The following PDE4B variants were observed in gnomAD, a reference collection of about 807,000 sequenced individuals.
The protein encoded by PDE4B is phosphodiesterase 4B.
In PDE4B, 20 loss-of-function variants were observed where a neutral mutation model predicts 82.2. The observed-to-expected ratio is 0.24, with a 90% CI of 0.17 to 0.35. PDE4B has a LOEUF of 0.35. Ranked by LOEUF, PDE4B falls within the 10% of genes least tolerant of loss-of-function variation. The pLI, the probability that PDE4B is intolerant of heterozygous loss-of-function variation, is 1.00. For synonymous variants in PDE4B, 320 were observed against 318.9 expected, an observed-to-expected ratio of 1.00 and a Z score of -0.04; for missense variants, 655 against 907.2, an observed-to-expected ratio of 0.72 and a Z score of 3.57.
At chr1:66,255,504 A>T (rs1317434283) in intron 4 of PDE4B, among the ~76,000 whole-genome samples, 1 of 152,212 alleles carries the variant, frequency 6.6e-6, no homozygotes, top group Admixed American at 6.5e-5. Flanking sequence ...TATAGCTAAT[A>T]TGCTCTGCTC....
At chr1:66,185,661 T>A (rs1169228720) in intron 3 of PDE4B, among the ~76,000 whole-genome samples, 1 of 152,268 alleles carries the variant, frequency 6.6e-6, no homozygotes, top group Non-Finnish European at 1.5e-5. Context: ...GTCTGTTATC[T>A]TCTTCGCCCA....
At chr1:66,240,340 C>T (rs1652794646) in intron 3 of PDE4B, among the ~76,000 whole-genome samples, 1 of 152,176 alleles carries the variant, frequency 6.6e-6, no homozygotes, top group African/African-American at 2.4e-5. Flanking sequence ...AAGATTCAAA[C>T]CTAAGTATCA....
intron 3 of PDE4B, among the ~76,000 whole-genome samples, chr1:66,221,349 T>G (rs1335132986): frequency 6.6e-6 from 1 of 152,136 alleles, no homozygotes; most frequent in African/African-American, 2.4e-5. Context: ...CCCTGATTAT[T>G]TATTATGTCA....
chr1:66,184,840 T>C (rs1647147993), intron 3 of PDE4B, among the ~76,000 whole-genome samples: 2 of 144,982 alleles, frequency 1.4e-5, no homozygotes, highest in African/African-American at 5.1e-5. Context: ...GTGCCCCAGT[T>C]TACTTTTTTT....
At chr1:65,864,939 C>T (rs1407088024) in intron 1 of PDE4B, among the ~76,000 whole-genome samples, 1 of 152,194 alleles carries the variant, frequency 6.6e-6, no homozygotes, top group African/African-American at 2.4e-5. Context: ...CTCCTCAGAG[C>T]CCACAGGCAG....
intron 1 of PDE4B, among the ~76,000 whole-genome samples, chr1:65,828,871 G>A (rs1646049257): frequency 6.6e-6 from 1 of 152,048 alleles, no homozygotes; most frequent in Non-Finnish European, 1.5e-5. Flanking sequence ...GCTCAGAGAT[G>A]GCAGAAAAGG....
chr1:66,148,762 G>A (rs1331671793), intron 3 of PDE4B, among the ~76,000 whole-genome samples: 1 of 152,096 alleles, frequency 6.6e-6, no homozygotes, highest in Middle Eastern at 3.2e-3. Context: ...CTTACAGTAT[G>A]TGATCTTTTG....
intron 7 of PDE4B, among the ~76,000 whole-genome samples, chr1:66,314,687 G>T (rs1458280591): frequency 6.6e-6 from 1 of 152,114 alleles, no homozygotes; most frequent in African/African-American, 2.4e-5. Context: ...TGCTGGGATT[G>T]TAGGCTTGAG....
At chr1:66,201,276 A>G (rs1570456090) in intron 3 of PDE4B, among the ~76,000 whole-genome samples, 1 of 152,294 alleles carries the variant, frequency 6.6e-6, no homozygotes, top group Non-Finnish European at 1.5e-5. Flanking sequence ...TTTTGCATCA[A>G]TGTTCATCAA....
At chr1:66,122,937 C>T (rs1442211438) in intron 3 of PDE4B, among the ~76,000 whole-genome samples, 1 of 151,650 alleles carries the variant, frequency 6.6e-6, no homozygotes, top group African/African-American at 2.4e-5. Flanking sequence ...AACTCCTGAC[C>T]TCAGGGGATC....
At chr1:66,126,714 A>G (rs1645831426) in intron 3 of PDE4B, among the ~76,000 whole-genome samples, 1 of 152,224 alleles carries the variant, frequency 6.6e-6, no homozygotes. Flanking sequence ...GAATGATAAA[A>G]TTATTGGTGA....
At chr1:66,123,352 C>T (rs1356824394) in intron 3 of PDE4B, among the ~76,000 whole-genome samples, 1 of 152,154 alleles carries the variant, frequency 6.6e-6, no homozygotes, top group East Asian at 1.9e-4. Flanking sequence ...GCTTTTATGT[C>T]TGTCCAACTT....
chr1:65,972,723 G>T (rs139555706), intron 3 of PDE4B, among the ~76,000 whole-genome samples: 1 of 152,082 alleles, frequency 6.6e-6, no homozygotes, highest in Non-Finnish European at 1.5e-5. Flanking sequence ...TAGTGTTTCT[G>T]CATAACTATT....
At chr1:66,023,405 C>G (rs1366653982) in intron 3 of PDE4B, among the ~76,000 whole-genome samples, 7 of 152,076 alleles carry the variant, frequency 4.6e-5, no homozygotes, top group Non-Finnish European at 2.9e-5. Context: ...GGGGAAAGAG[C>G]ATTTTTTGGC....
At chr1:66,021,124 T>G (rs1255402577) in intron 3 of PDE4B, among the ~76,000 whole-genome samples, 6 of 152,198 alleles carry the variant, frequency 3.9e-5, no homozygotes, top group East Asian at 1.9e-4. Context: ...CTTTTGAGAA[T>G]TGTCTGTTTA....
intron 3 of PDE4B, among the ~76,000 whole-genome samples, chr1:66,184,961 G>A (rs1337644522): frequency 6.6e-6 from 1 of 151,920 alleles, no homozygotes. Flanking sequence ...TTAACATTAG[G>A]TATATCTCCT....
intron 1 of PDE4B, among the ~76,000 whole-genome samples, chr1:65,802,324 A>G (rs1432742095): frequency 6.6e-6 from 1 of 152,180 alleles, no homozygotes; most frequent in Non-Finnish European, 1.5e-5. Flanking sequence ...GTGAAAAGAC[A>G]GTTAATAAAG....
intron 3 of PDE4B, among the ~76,000 whole-genome samples, chr1:66,217,311 A>G (rs966246039): frequency 6.6e-6 from 1 of 152,150 alleles, no homozygotes; most frequent in Non-Finnish European, 1.5e-5. Context: ...ACAGAAGTGT[A>G]GGCAAGGATA....
intron 7 of PDE4B, among the ~76,000 whole-genome samples, chr1:66,323,207 A>G (rs1013304914): frequency 6.6e-6 from 1 of 152,074 alleles, no homozygotes. Flanking sequence ...AGCTTCTCCT[A>G]TCAGTCTTTC....
Sources: allele counts gnomAD v4.1 joint callset (sites outside exome capture counted in the v4.1 genomes callset), GRCh38; gene constraint gnomAD v4.1.1; transcripts MANE v1.5; gene names NCBI Gene and HGNC (gene_info 2026-07-23, HGNC 2026-07-21).